The following ANKFN1 variants were observed in gnomAD, a reference collection of about 807,000 sequenced individuals.
ANKFN1 encodes the protein ankyrin repeat and fibronectin type III domain containing 1, also known as ankyrin repeat and fibronectin type-III domain-containing protein 1.
Under a neutral mutation model 108.7 loss-of-function variants are expected in ANKFN1, and 74 were observed. The ratio of observed to expected loss-of-function variants is 0.68; its 90% confidence interval spans 0.56 to 0.83. ANKFN1 has a LOEUF of 0.83. Ranked by LOEUF, ANKFN1 falls within the 40% of genes least tolerant of loss-of-function variation. The pLI is 0.00. For missense variants in ANKFN1, 1,505 were observed against 1,382.3 expected, an observed-to-expected ratio of 1.09 and a Z score of -1.41; for synonymous variants, 547 against 516.2, an observed-to-expected ratio of 1.06 and a Z score of -0.81.
chr17:56,349,856 A>G (rs2046201705), intron 4 of ANKFN1, among the ~76,000 whole-genome samples: 1 of 152,204 alleles, frequency 6.6e-6, no homozygotes, highest in South Asian at 2.1e-4. Flanking sequence ...CCAGTGCATC[A>G]GAGGCTCTAC....
rs535454055 is a variant in ANKFN1, at chr17:56,058,019, C to A, written c.288+11694C>A. ...CAATGGATTTAAAATATTTAGTACA[C>A]CATGCCGTACACAGATGTGCTGTCT... On this transcript the variant is annotated intron_variant, in intron 4 of 12. Transcript: ENST00000635860. 2.6e-5 allele frequency among the ~76,000 whole-genome samples: 4 copies of A among 152,284 alleles called. No homozygotes were observed. The South Asian group carries it at 8.3e-4, about 32-fold the overall frequency.
intron 4 of ANKFN1, among the ~76,000 whole-genome samples, chr17:56,098,818 T>G (rs1385590560): frequency 6.6e-6 from 1 of 152,132 alleles, no homozygotes; most frequent in Non-Finnish European, 1.5e-5. Flanking sequence ...ATTCTACTGC[T>G]GCCGAGAGTA....
chr17:56,510,438 T>G, intron 20 of ANKFN1, 35 bp from the exon 21 acceptor site: 1 of 1,519,306 alleles, frequency 6.6e-7, no homozygotes, highest in South Asian at 1.2e-5. Flanking sequence ...TAGCTAAGAC[T>G]ATATTTTTCC....
intron 3 of ANKFN1, chr17:56,245,716 G>A (rs1312367799): frequency 6.6e-6 from 1 of 152,140 alleles, no homozygotes; most frequent in African/African-American, 2.4e-5. Context: ...AGAAACAGAA[G>A]TGGAAGCTAG....
chr17:56,080,388 A>G (rs1454813883), intron 4 of ANKFN1, among the ~76,000 whole-genome samples: 1 of 152,242 alleles, frequency 6.6e-6, no homozygotes, highest in African/African-American at 2.4e-5. Flanking sequence ...GCCCAACAGT[A>G]AGGGAATTAT....
intron 8 of ANKFN1, among the ~76,000 whole-genome samples, chr17:56,397,012 T>C (rs142925866): frequency 0.014 from 2,073 of 152,166 alleles, 24 homozygotes; most frequent in Non-Finnish European, 0.023. Flanking sequence ...TCTACCAGTC[T>C]ACCCCACCTC....
intron 8 of ANKFN1, among the ~76,000 whole-genome samples, chr17:56,379,194 C>T (rs2036647014): frequency 6.6e-6 from 1 of 151,998 alleles, no homozygotes; most frequent in Non-Finnish European, 1.5e-5. Context: ...GTGAGGAGAT[C>T]GAGACCATCC....
At chr17:56,359,209 C>G (rs2046450306) in intron 6 of ANKFN1, among the ~76,000 whole-genome samples, 1 of 152,180 alleles carries the variant, frequency 6.6e-6, no homozygotes, top group South Asian at 2.1e-4. Flanking sequence ...TGCACATACA[C>G]AGTCACTATG....
chr17:56,080,981 C>T (rs895322803), intron 4 of ANKFN1, among the ~76,000 whole-genome samples: 34 of 152,278 alleles, frequency 2.2e-4, no homozygotes, highest in African/African-American at 7.7e-4. Context: ...TGTTCAAAGC[C>T]GCTTCTGCAG....
At chr17:56,445,130 C>A (rs1035610982) in intron 10 of ANKFN1, among the ~76,000 whole-genome samples, 5 of 152,132 alleles carry the variant, frequency 3.3e-5, no homozygotes, top group Admixed American at 3.3e-4. Flanking sequence ...AAACAGAATT[C>A]TAAGATTAGG....
rs1379095786 is a variant in ANKFN1, at chr17:56,440,566, G to T, written c.1008+142G>T. On this transcript the variant is annotated intron_variant, in intron 9 of 20. Transcript: ENST00000682825. Reference sequence around the variant, plus strand: ...CCACTCATTAAGCATGATATGTCTGGTATCTAGAATCTGAATTTCACAAAG... The same window carrying T: ...CCACTCATTAAGCATGATATGTCTGTTATCTAGAATCTGAATTTCACAAAG... 4 of 584,872 alleles carry T rather than the reference G, an allele frequency of 6.8e-6. 1 individual carries two copies. The South Asian group carries it at 8.6e-5, about 13-fold the overall frequency. The allele number at this position is 584,872 out of a possible 1,614,324, so 36.2% of individuals were successfully genotyped here. A position where few individuals can be genotyped will look rare whatever the true frequency, so the allele number is the denominator to read the frequency against.
intron 3 of ANKFN1, among the ~76,000 whole-genome samples, chr17:56,281,662 C>A (rs571780447): frequency 1.0e-3 from 157 of 152,200 alleles, no homozygotes; most frequent in Non-Finnish European, 1.8e-3. Context: ...AAAAAGACAA[C>A]CCAATTTTTA....
At chr17:56,289,159 G>A (rs1649204995) in intron 3 of ANKFN1, among the ~76,000 whole-genome samples, 2 of 152,106 alleles carry the variant, frequency 1.3e-5, no homozygotes, top group African/African-American at 2.4e-5. Context: ...ACCCACAAAG[G>A]CAGTCTGATA....
intron 3 of ANKFN1, among the ~76,000 whole-genome samples, chr17:56,271,526 T>C (rs1447249975): frequency 6.6e-6 from 1 of 152,236 alleles, no homozygotes; most frequent in Non-Finnish European, 1.5e-5. Context: ...TCTCCTGGTC[T>C]TAGAGCAGCA....
chr17:56,481,489 AAC>A (rs57493335), intron 17 of ANKFN1, among the ~76,000 whole-genome samples: 31 of 148,908 alleles, frequency 2.1e-4, no homozygotes, highest in Non-Finnish European at 2.2e-4. Flanking sequence ...CCCTCCCCAA[AAC>A]ACACACACAC....
intron 9 of ANKFN1, among the ~76,000 whole-genome samples, chr17:56,442,612 A>G (rs16957225): frequency 0.13 from 19,454 of 152,172 alleles, 4,173 homozygotes; most frequent in African/African-American, 0.44. Flanking sequence ...ATAGAAACTA[A>G]GAGGGAACTT....
At position 56,206,056 on chromosome 17, in the gene ANKFN1, C is replaced by A. The variant is rs147843793; in HGVS notation, c.-70-6542C>A. 1.2e-3 allele frequency among the ~76,000 whole-genome samples: 182 copies of A among 152,188 alleles called. 2 individuals carry two copies. Among genetic ancestry groups the A allele is most frequent in the African/African-American group, 3.9e-3 (162 of 41,538 alleles). ...GATCCTCATGACTTTATAATGTTAA[C>A]ATTTGCATTAAAATACTTAAAGCTG... On this transcript the variant is annotated intron_variant, in intron 1 of 20. Transcript: ENST00000682825.
rs1012563923 is a variant in ANKFN1 at position 56,335,156 on chromosome 17, G to A, written c.188+8801G>A. On this transcript the variant is annotated intron_variant, in intron 4 of 20. Transcript: ENST00000682825. ...ATAGTTTGAAGTCAGGTAGCATGAT[G>A]CCTCCAGCTTTGTTCTTTTTGCTTA... Among the ~76,000 whole-genome samples the A allele has an allele frequency of 2.0e-5, 3 of 152,164 alleles. No individual in the cohort carries two copies. The East Asian group carries it at 5.8e-4, about 29-fold the overall frequency.
chr17:56,125,014 C>A (rs1015996073), intron 4 of ANKFN1, among the ~76,000 whole-genome samples: 5 of 152,148 alleles, frequency 3.3e-5, no homozygotes. Context: ...GCTCTTCTCC[C>A]CACTCTTCCC....
Sources: gnomAD v4.1 joint callset for allele counts (sites outside exome capture counted in the v4.1 genomes callset) on GRCh38, gnomAD v4.1.1 for gene constraint, MANE v1.5 for transcripts, NCBI Gene and HGNC (gene_info 2026-07-23, HGNC 2026-07-21) for gene names.